LIPC: variants seen among roughly 807,000 people sequenced by gnomAD.
The protein encoded by LIPC is lipase C, hepatic type, also known as hepatic triacylglycerol lipase.
LIPC carries 44 observed loss-of-function variants against 50.7 expected under a neutral mutation model. That is an observed-to-expected ratio of 0.87 (90% CI 0.68 to 1.11). The LOEUF (loss-of-function observed/expected upper bound fraction) is 1.11, where lower values mean the gene tolerates loss of function less well. Ranked by LOEUF, LIPC falls within the 50% of genes most tolerant of loss-of-function variation. LIPC has a pLI of 0.00. For synonymous variants in LIPC, 271 were observed against 256.4 expected (o/e 1.06, Z -0.54); for missense variants, 697 against 648.2 (o/e 1.08, Z -0.82).
At chr15:58,514,106 C>T (rs988807026) in intron 1 of LIPC, among the ~76,000 whole-genome samples, 2 of 152,044 alleles carry the variant, frequency 1.3e-5, no homozygotes, top group African/African-American at 2.4e-5. Context: ...TCGTAAAAGC[C>T]CCCACTGGCA....
intron 1 of LIPC, among the ~76,000 whole-genome samples, chr15:58,530,438 A>T (rs1892924904): frequency 6.6e-6 from 1 of 152,260 alleles, no homozygotes; most frequent in African/African-American, 2.4e-5. Context: ...AGGAGCAGCC[A>T]GGCCCAGCCC....
intron 7 of LIPC, among the ~76,000 whole-genome samples, chr15:58,563,246 A>T (rs754929810): frequency 6.6e-6 from 1 of 152,178 alleles, no homozygotes; most frequent in African/African-American, 2.4e-5. Context: ...TAGATTTGTT[A>T]TAGTGGGACT....
chr15:58,560,893 A>G lies in LIPC; in HGVS notation c.1081A>G (p.Ile361Val). Residue 361 changes from isoleucine (I) to valine (V), a missense_variant, in exon 7 of 9, where the codon ATC becomes GTC. By Grantham distance (29) the Ile-to-Val change is conservative. Coordinates refer to ENST00000299022, the MANE Select transcript of LIPC (RefSeq NM_000236.3). ...VYHYQFKIQF[I>V]NQTETPIQTT... Reference sequence around the variant, plus strand: ...TCATTACCAGTTCAAGATCCAGTTCATCAACCAAACTGAGACACCAATACA... The same window carrying G: ...TCATTACCAGTTCAAGATCCAGTTCGTCAACCAAACTGAGACACCAATACA... The G allele has an allele frequency of 7.1e-7, 1 of 1,412,564 alleles. No individual in the cohort carries two copies. Among genetic ancestry groups the G allele is most frequent in the Non-Finnish European group, 1.0e-6 (1 of 995,260 alleles). 87.5% of individuals were successfully genotyped at this position (1,412,564 alleles called of 1,614,324 possible). A position where few individuals can be genotyped will look rare whatever the true frequency, so the allele number is the denominator to read the frequency against.
At chr15:58,549,453 C>T (rs1488764747) in intron 6 of LIPC, among the ~76,000 whole-genome samples, 4 of 152,182 alleles carry the variant, frequency 2.6e-5, no homozygotes, top group African/African-American at 4.8e-5. Flanking sequence ...ACAAAACATT[C>T]GATGCAGCCA....
chr15:58,461,526 A>C (rs1235463429), intron 1 of LIPC, among the ~76,000 whole-genome samples: 1 of 151,872 alleles, frequency 6.6e-6, no homozygotes, highest in Non-Finnish European at 1.5e-5. Context: ...CTCCTGCCTC[A>C]GCCTCCCGAT....
At position 58,545,969 on chromosome 15, in the gene LIPC, T is replaced by A; in HGVS notation, c.802T>A (p.Phe268Ile). The A allele has an allele frequency of 6.2e-7, 1 of 1,612,496 alleles. No homozygotes were observed. Among genetic ancestry groups the A allele is most frequent in the South Asian group, 1.1e-5 (1 of 91,026 alleles). The change falls in exon 5 of 9, where the codon TTC (phenylalanine) becomes ATC (isoleucine). Residue 268 changes from phenylalanine to isoleucine, a missense_variant. By Grantham distance (21) the Phe-to-Ile change is conservative. Coordinates refer to ENST00000299022, the MANE Select transcript of LIPC (RefSeq NM_000236.3). Reference protein sequence around the residue: ...ELYRHIAQHGFNAITQTIKCS... With the variant: ...ELYRHIAQHGINAITQTIKCS... The stretch of plus-strand genomic sequence containing the variant: ...CTACAGACATATTGCCCAGCACGGC[T>A]TCAATGGTGAGAATGAAGTCATGGG...
intron 6 of LIPC, 35 bp downstream of exon 6, chr15:58,548,607 G>T (rs746171308): frequency 2.5e-5 from 39 of 1,574,624 alleles, no homozygotes; most frequent in Admixed American, 3.7e-5. Context: ...CAGAAGGGCA[G>T]GATGCAGTCC....
intron 6 of LIPC, among the ~76,000 whole-genome samples, chr15:58,549,892 C>T (rs533491178): frequency 1.3e-4 from 20 of 152,344 alleles, no homozygotes; most frequent in Admixed American, 7.2e-4. Context: ...GGAGCTCCTC[C>T]GCTGCAGGCT....
Position 58,471,332 on chromosome 15 carries a change from G to GGT in LIPC, c.88+39213_88+39214insTG, listed in dbSNP as rs201484183. ...TTTTTGTATTTTTAGTAGAGATGGG[G>GGT]GGGGGTGGTCTCACCATGTTGGCCA... On this transcript the variant is annotated intron_variant, in intron 1 of 8. Transcript: ENST00000299022. 5.8e-5 allele frequency among the ~76,000 whole-genome samples: 8 copies of GGT among 138,824 alleles called. No individual in the cohort carries two copies. In the South Asian group the frequency reaches 9.8e-4, roughly 17 times the overall value. The allele number at this position is 138,824 out of a possible 152,430, so 91.1% of individuals were successfully genotyped here.
At chr15:58,487,504 G>A (rs146030383) in intron 1 of LIPC, among the ~76,000 whole-genome samples, 13 of 152,284 alleles carry the variant, frequency 8.5e-5, no homozygotes, top group Admixed American at 2.0e-4. Context: ...AGCAATAGAC[G>A]GCCCCTTAAT....
At chr15:58,508,720 C>G (rs1190284153) in intron 1 of LIPC, among the ~76,000 whole-genome samples, 1 of 59,172 alleles carries the variant, frequency 1.7e-5, no homozygotes, top group African/African-American at 1.0e-4. Context: ...TCTCATTAGT[C>G]CCAGTTTTTT....
chr15:58,434,853 G>C (rs1893239536), intron 1 of LIPC: 1 of 152,068 alleles, frequency 6.6e-6, no homozygotes, highest in African/African-American at 2.4e-5. Context: ...CTCCACCCCA[G>C]CCTCAGCTTG....
In LIPC at chr15:58,491,614, G is replaced by A. The variant is rs1379525456; in HGVS notation, c.89-46719G>A. ...ATATCTCTGCCAAATACTGGTGCCA[G>A]GTGCTGGGCAAGGCACAGTTTTGCA... is the stretch of plus-strand genomic sequence containing the variant. On this transcript the variant is annotated intron_variant, in intron 1 of 8. Coordinates refer to ENST00000299022, the MANE Select transcript of LIPC (RefSeq NM_000236.3). Among the ~76,000 whole-genome samples the A allele has an allele frequency of 2.0e-5, 3 of 152,222 alleles. No homozygotes were observed. In the East Asian group the frequency reaches 5.8e-4, roughly 29 times the overall value.
chr15:58,496,760 A>AAAAAAAAAAAAAAAAAAAAAC (rs1891781807), intron 1 of LIPC, among the ~76,000 whole-genome samples: 1 of 141,942 alleles, frequency 7.0e-6, no homozygotes, highest in African/African-American at 2.6e-5. Flanking sequence ...AAAAAAAAAA[A>AAAAAAAAAAAAAAAAAAAAAC]TTAAGATGGA....
Position 58,566,129 on chromosome 15 carries a change from G to A in LIPC, c.1388+2406G>A, listed in dbSNP as rs193035384. On this transcript the variant is annotated intron_variant, in intron 8 of 8. Coordinates refer to ENST00000299022, the MANE Select transcript of LIPC (RefSeq NM_000236.3). ...GCCTGATGTTCTGCATTTCTAACAA[G>A]CGACCAGGCAATGCTGTTGCTGCAG... The A allele has an allele frequency of 1.5e-4, 145 of 976,998 alleles. 1 individual carries two copies. The Middle Eastern group carries it at 5.3e-3, about 36-fold the overall frequency. 60.5% of individuals were successfully genotyped at this position (976,998 alleles called of 1,614,324 possible).
chr15:58,481,887 T>C (rs1290037760), intron 1 of LIPC, among the ~76,000 whole-genome samples: 2 of 152,222 alleles, frequency 1.3e-5, no homozygotes, highest in African/African-American at 2.4e-5. Flanking sequence ...TGCCAACCAG[T>C]ATGCATGGCT....
rs1332360421 is a variant in LIPC at position 58,563,637 on chromosome 15, G to C, written c.1302G>C (p.Gln434His). 6.2e-7 allele frequency: 1 copy of C among 1,614,240 alleles called. No individual in the cohort carries two copies. Among genetic ancestry groups the C allele is most frequent in the Middle Eastern group, 1.7e-4 (1 of 6,050 alleles). Residue 434 changes from glutamine (Q) to histidine (H), a missense_variant, in exon 8 of 9, where the codon CAG (glutamine) becomes CAC (histidine). Physicochemically the swap from Gln to His is conservative, Grantham distance 24. Transcript: ENST00000299022. ...AVWANVWDTV[Q>H]TIIPWSTGPR... ...GGGCCAATGTCTGGGACACGGTCCAGACCATCATCCCATGGAGCACAGGGC... is the reference window on the plus strand; with the variant it reads ...GGGCCAATGTCTGGGACACGGTCCACACCATCATCCCATGGAGCACAGGGC...
At chr15:58,458,733 C>G (rs1393897883) in intron 1 of LIPC, among the ~76,000 whole-genome samples, 2 of 152,218 alleles carry the variant, frequency 1.3e-5, no homozygotes, top group African/African-American at 2.4e-5. Flanking sequence ...GGTCACCCCT[C>G]TGCCCCTCAA....
At chr15:58,432,686 T>G (rs1306804267) in intron 1 of LIPC, among the ~76,000 whole-genome samples, 2 of 152,212 alleles carry the variant, frequency 1.3e-5, no homozygotes, top group Admixed American at 1.3e-4. Context: ...GTTTGTAAAT[T>G]CACAAACTAG....
Sources: allele counts gnomAD v4.1 joint callset (sites outside exome capture counted in the v4.1 genomes callset), GRCh38; gene constraint gnomAD v4.1.1; transcripts MANE v1.5; gene names NCBI Gene and HGNC (gene_info 2026-07-23, HGNC 2026-07-21).